The following MYO3B variants were observed in gnomAD, a reference collection of about 807,000 sequenced individuals.
MYO3B encodes the protein myosin IIIB.
In MYO3B, 156 loss-of-function variants were observed where a neutral mutation model predicts 174.6. The observed-to-expected ratio is 0.89, with a 90% CI of 0.78 to 1.02. The LOEUF is 1.02. MYO3B is among the 50% of genes least tolerant of loss of function. The pLI is 0.00. For missense variants in MYO3B, 1,632 were observed against 1,639.4 expected (o/e 1.00, Z 0.08); for synonymous variants, 563 against 569.1 (o/e 0.99, Z 0.15).
At chr2:170,476,063 G>A (rs922484659) in intron 25 of MYO3B, among the ~76,000 whole-genome samples, 1 of 121,610 alleles carries the variant, frequency 8.2e-6, no homozygotes, top group South Asian at 2.6e-4. Context: ...TGAAATGGGA[G>A]TGTTCCCTGT....
intron 6 of MYO3B, among the ~76,000 whole-genome samples, chr2:170,219,634 A>G (rs1315086353): frequency 6.7e-6 from 1 of 150,222 alleles, no homozygotes; most frequent in African/African-American, 2.5e-5. Flanking sequence ...ACAGAGTTAG[A>G]CTCTGTCTCT....
chr2:170,232,801 T>C (rs553063845), intron 6 of MYO3B, among the ~76,000 whole-genome samples: 1 of 152,260 alleles, frequency 6.6e-6, no homozygotes, highest in Non-Finnish European at 1.5e-5. Flanking sequence ...GAGTACTCAA[T>C]AATTATTTGT....
intron 7 of MYO3B, among the ~76,000 whole-genome samples, chr2:170,267,417 T>G (rs182140368): frequency 2.8e-4 from 43 of 152,350 alleles, no homozygotes; most frequent in African/African-American, 9.1e-4. Context: ...TCTAGTTTTG[T>G]GTGCAGAAGG....
At chr2:170,583,587 G>C (rs1440189057) in intron 32 of MYO3B, among the ~76,000 whole-genome samples, 2 of 152,136 alleles carry the variant, frequency 1.3e-5, no homozygotes, top group African/African-American at 2.4e-5. Flanking sequence ...TGGATACTAG[G>C]ATTGTCTATG....
intron 7 of MYO3B, among the ~76,000 whole-genome samples, chr2:170,274,089 CGAGA>C (rs111859976): frequency 2.0e-5 from 3 of 147,712 alleles, no homozygotes; most frequent in East Asian, 2.0e-4. Context: ...AAGCAAACTA[CGAGA>C]GAGAGAGAGA....
At chr2:170,573,427 C>T (rs1692577982) in intron 32 of MYO3B, among the ~76,000 whole-genome samples, 1 of 151,966 alleles carries the variant, frequency 6.6e-6, no homozygotes, top group Admixed American at 6.6e-5. Flanking sequence ...GGCCTAAGAA[C>T]ATAACTCTCC....
chr2:170,321,053 A>G (rs940520199), intron 7 of MYO3B, among the ~76,000 whole-genome samples: 2 of 152,164 alleles, frequency 1.3e-5, no homozygotes, highest in Non-Finnish European at 1.5e-5. Flanking sequence ...ATGCCTTTGA[A>G]TAGCCACTCT....
At chr2:170,218,880 C>T (rs1216510913) in intron 6 of MYO3B, among the ~76,000 whole-genome samples, 1 of 152,144 alleles carries the variant, frequency 6.6e-6, no homozygotes, top group African/African-American at 2.4e-5. Flanking sequence ...CTTTGAGAAG[C>T]ACTGCAGGAT....
At chr2:170,649,417 T>TA (rs943478715) in intron 32 of MYO3B, among the ~76,000 whole-genome samples, 1 of 127,998 alleles carries the variant, frequency 7.8e-6, no homozygotes, top group Non-Finnish European at 1.6e-5. Context: ...ATATTACATA[T>TA]AAAATATATA....
intron 32 of MYO3B, among the ~76,000 whole-genome samples, chr2:170,547,588 G>A (rs927269060): frequency 5.3e-5 from 8 of 152,114 alleles, no homozygotes; most frequent in Admixed American, 3.3e-4. Flanking sequence ...TTAACGCTAT[G>A]TGCCAGGAAC....
chr2:170,452,316 G>C (rs186919570), intron 23 of MYO3B, among the ~76,000 whole-genome samples: 2 of 152,274 alleles, frequency 1.3e-5, no homozygotes, highest in East Asian at 3.9e-4. Flanking sequence ...TTCCAGAATG[G>C]GGTCTGTGGT....
chr2:170,294,286 C>T (rs1574733122), intron 7 of MYO3B, among the ~76,000 whole-genome samples: 1 of 151,024 alleles, frequency 6.6e-6, no homozygotes, highest in African/African-American at 2.4e-5. Flanking sequence ...GCAGACAGCC[C>T]AATTTTTGGT....
At chr2:170,357,673 T>A (rs2094132615) in intron 8 of MYO3B, among the ~76,000 whole-genome samples, 1 of 152,172 alleles carries the variant, frequency 6.6e-6, no homozygotes, top group Non-Finnish European at 1.5e-5. Context: ...TGGAATATTT[T>A]AAAATTTGCA....
intron 22 of MYO3B, among the ~76,000 whole-genome samples, chr2:170,409,066 T>C (rs1440241794): frequency 1.3e-5 from 2 of 152,194 alleles, no homozygotes; most frequent in South Asian, 2.1e-4. Context: ...CCATTATTGA[T>C]AGGGGACATG....
intron 9 of MYO3B, among the ~76,000 whole-genome samples, chr2:170,377,986 A>G (rs1162780876): frequency 6.6e-6 from 1 of 152,140 alleles, no homozygotes; most frequent in Non-Finnish European, 1.5e-5. Flanking sequence ...AATAGGTCCT[A>G]TTCTCAAGTA....
chr2:170,568,117 A>G (rs1200991617), intron 32 of MYO3B, among the ~76,000 whole-genome samples: 2 of 152,210 alleles, frequency 1.3e-5, no homozygotes, highest in Non-Finnish European at 2.9e-5. Flanking sequence ...CCGTACAAAT[A>G]TTATTATTTT....
At chr2:170,349,837 C>T (rs537428665) in intron 8 of MYO3B, 2 of 150,096 alleles carry the variant, frequency 1.3e-5, no homozygotes, top group South Asian at 2.1e-4. Flanking sequence ...AAATTATGCA[C>T]CTCATATAAT....
chr2:170,587,228 CT>C (rs1202035988), intron 32 of MYO3B, among the ~76,000 whole-genome samples: 1 of 152,216 alleles, frequency 6.6e-6, no homozygotes, highest in Non-Finnish European at 1.5e-5. Context: ...ATGCCTTCTA[CT>C]TATAAAACAA....
chr2:170,480,642 T>G (rs1685631084), intron 25 of MYO3B, among the ~76,000 whole-genome samples: 1 of 151,842 alleles, frequency 6.6e-6, no homozygotes, highest in Non-Finnish European at 1.5e-5. Context: ...GGGTGGGGAG[T>G]GGTTAGTCTT....
Sources: gnomAD v4.1 joint callset for allele counts (sites outside exome capture counted in the v4.1 genomes callset) on GRCh38, gnomAD v4.1.1 for gene constraint, MANE v1.5 for transcripts, NCBI Gene and HGNC (gene_info 2026-07-23, HGNC 2026-07-21) for gene names.